The following PKHD1 variants were observed in gnomAD, a reference collection of about 807,000 sequenced individuals.
The protein encoded by PKHD1 is fibrocystin.
A neutral mutation model predicts 412.0 loss-of-function variants in PKHD1; 291 were observed. The ratio of observed to expected loss-of-function variants is 0.71; its 90% CI spans 0.64 to 0.78. PKHD1 has a LOEUF of 0.78. Among genes scored for constraint, PKHD1 ranks in the 30% least tolerant of loss-of-function variants. The probability of loss-of-function intolerance (pLI) is 0.00; values close to 1 mark genes in which losing one functional copy is unlikely to be tolerated. For synonymous variants in PKHD1, 1,777 were observed against 1,821.5 expected (o/e 0.98, Z 0.62); for missense variants, 4,825 against 4,950.7 (o/e 0.97, Z 0.76).
At chr6:52,084,751 T>G (rs1282657722) in intron 2 of PKHD1, 131 bp downstream of exon 2, 1 of 751,664 alleles carries the variant, frequency 1.3e-6, no homozygotes, top group Non-Finnish European at 2.5e-6. Flanking sequence ...AACTCAATTT[T>G]TTGATTGGCA....
intron 36 of PKHD1, among the ~76,000 whole-genome samples, chr6:51,956,528 GTAAA>G (rs1193734309): frequency 6.6e-6 from 1 of 152,046 alleles, no homozygotes; most frequent in Non-Finnish European, 1.5e-5. Context: ...AGAGACAACA[GTAAA>G]TAAATTGATG....
intron 28 of PKHD1, 51 bp from the exon 29 acceptor site, chr6:52,033,216 C>A (rs1203424666): frequency 7.0e-7 from 1 of 1,433,626 alleles, no homozygotes; most frequent in Non-Finnish European, 9.8e-7. Context: ...TAAAGTAGGA[C>A]TGACTTAAGG....
intron 27 of PKHD1, among the ~76,000 whole-genome samples, chr6:52,040,929 G>A (rs1271087736): frequency 2.0e-5 from 3 of 152,084 alleles, no homozygotes; most frequent in Non-Finnish European, 4.4e-5. Context: ...AATAATGCCT[G>A]GTAATAAAAG....
intron 36 of PKHD1, among the ~76,000 whole-genome samples, chr6:51,957,190 A>G (rs1791281093): frequency 6.6e-6 from 1 of 152,062 alleles, no homozygotes; most frequent in African/African-American, 2.4e-5. Context: ...TCTAACTAAC[A>G]AGTAGCATCA....
At chr6:51,739,333 C>T (rs1463635481) in intron 60 of PKHD1, among the ~76,000 whole-genome samples, 2 of 151,926 alleles carry the variant, frequency 1.3e-5, no homozygotes, top group African/African-American at 4.8e-5. Flanking sequence ...CGGGTTCAAG[C>T]GATTTTCATC....
chr6:51,734,979 G>A (rs1275706435), intron 60 of PKHD1, among the ~76,000 whole-genome samples: 1 of 152,136 alleles, frequency 6.6e-6, no homozygotes, highest in African/African-American at 2.4e-5. Flanking sequence ...TGGATGTTTA[G>A]GAATAGCTGT....
chr6:52,083,303 C>A (rs1812309694), intron 2 of PKHD1, 48 bp from the exon 3 acceptor site: 1 of 1,131,904 alleles, frequency 8.8e-7, no homozygotes, highest in South Asian at 1.2e-5. Flanking sequence ...CAGATTCAAA[C>A]CACTACCTTC....
intron 53 of PKHD1, among the ~76,000 whole-genome samples, chr6:51,778,665 A>G (rs1031285192): frequency 2.5e-4 from 38 of 152,130 alleles, no homozygotes; most frequent in Admixed American, 5.9e-4. Context: ...AATCATTATA[A>G]TTATTTGGGG....
intron 53 of PKHD1, among the ~76,000 whole-genome samples, chr6:51,788,974 A>C (rs1480933744): frequency 6.6e-6 from 1 of 152,206 alleles, no homozygotes; most frequent in Admixed American, 6.5e-5. Flanking sequence ...ACAGGTGGCC[A>C]AGGTGGATTT....
Position 51,747,754 on chromosome 6 carries a change from A to T in PKHD1, c.9829+33T>A, listed in dbSNP as rs1192554503. 4.4e-6 allele frequency: 7 copies of T among 1,586,576 alleles called. No individual in the cohort carries two copies. In the South Asian group the frequency reaches 7.7e-5, roughly 18 times the overall value. ...AAAATTTTATGCATGGATGTATGAA[A>T]TGGCACTGCCTAGATAAAATAAAAC... On this transcript the variant is annotated intron_variant, in intron 58 of 66. Transcript: ENST00000371117.
chr6:51,954,685 TAATTACTATAGTCAAACA>T (rs1427271927), intron 36 of PKHD1, among the ~76,000 whole-genome samples: 1 of 152,082 alleles, frequency 6.6e-6, no homozygotes, highest in Non-Finnish European at 1.5e-5. Flanking sequence ...TATAATGCAG[TAATTACTATAGTCAAACA>T]AATTAGCATA....
intron 36 of PKHD1, among the ~76,000 whole-genome samples, chr6:51,953,279 T>C (rs572464410): frequency 6.6e-6 from 1 of 152,152 alleles, no homozygotes; most frequent in South Asian, 2.1e-4. Flanking sequence ...TTGACCAAGA[T>C]ATTCTACAGT....
At chr6:51,866,874 T>C (rs1477331591) in intron 48 of PKHD1, among the ~76,000 whole-genome samples, 1 of 152,142 alleles carries the variant, frequency 6.6e-6, no homozygotes, top group Non-Finnish European at 1.5e-5. Context: ...CATATTATTA[T>C]TTTACTCACT....
chr6:51,721,657 C>T, intron 60 of PKHD1: 1 of 1,190,916 alleles, frequency 8.4e-7, no homozygotes, highest in South Asian at 2.6e-5. Context: ...CTTTCCTACT[C>T]CCCCATATCT....
intron 35 of PKHD1, among the ~76,000 whole-genome samples, chr6:51,995,166 T>C (rs974946239): frequency 1.3e-5 from 2 of 151,928 alleles, no homozygotes; most frequent in Admixed American, 6.7e-5. Context: ...GCCTGTCATG[T>C]AATGGCATCT....
intron 35 of PKHD1, among the ~76,000 whole-genome samples, chr6:51,981,241 G>A (rs569813283): frequency 4.0e-4 from 44 of 111,166 alleles, no homozygotes; most frequent in Admixed American, 2.1e-3. Flanking sequence ...AAACCTCTGT[G>A]CAACCCAAGC....
At chr6:51,833,782 G>A (rs1239328964) in intron 51 of PKHD1, among the ~76,000 whole-genome samples, 2 of 152,134 alleles carry the variant, frequency 1.3e-5, no homozygotes, top group African/African-American at 4.8e-5. Context: ...GGTAAGGAAG[G>A]AAAGATGTTG....
chr6:51,753,702 AG>A (rs1230275933), intron 56 of PKHD1, among the ~76,000 whole-genome samples: 5 of 152,178 alleles, frequency 3.3e-5, no homozygotes, highest in Non-Finnish European at 7.3e-5. Flanking sequence ...GTGAGACTTC[AG>A]TGTTGGGTTG....
Position 51,885,888 on chromosome 6 carries a change from C to A in PKHD1, c.7194G>T (p.Trp2398Cys). 2 of 1,612,184 alleles carry A rather than the reference C, an allele frequency of 1.2e-6. No individual in the cohort carries two copies. The highest frequency in any genetic ancestry group is 2.7e-5 in the African/African-American group (2 of 74,980). Reference protein sequence around the residue: ...GTTLFQSFTVWESAGGAQIFR... With the variant: ...GTTLFQSFTVCESAGGAQIFR... The stretch of plus-strand genomic sequence containing the variant: ...TTACCTGGGCACCACCTGCACTTTC[C>A]CAAACTGTGAAGCTCTGGAACAGAG... Residue 2398 changes from tryptophan (W) to cysteine (C), a missense_variant, in exon 45 of 67, where the codon TGG becomes TGT. Trp to Cys is a radical substitution (Grantham distance 215). Coordinates refer to ENST00000371117, the MANE Select transcript of PKHD1 (RefSeq NM_138694.4).
Sources: allele counts gnomAD v4.1 joint callset (sites outside exome capture counted in the v4.1 genomes callset), GRCh38; gene constraint gnomAD v4.1.1; transcripts MANE v1.5; gene names NCBI Gene and HGNC (gene_info 2026-07-23, HGNC 2026-07-21).